The following UBP1 variants were observed in gnomAD, a reference collection of about 807,000 sequenced individuals.
The protein encoded by UBP1 is upstream-binding protein 1.
Under a neutral mutation model 76.1 loss-of-function variants are expected in UBP1, and 22 were observed. The observed-to-expected ratio is 0.29, with a 90% CI of 0.21 to 0.41. UBP1 has a LOEUF of 0.41. Among genes scored for constraint, UBP1 ranks in the 10% least tolerant of loss-of-function variants. UBP1 has a pLI of 1.00. For missense variants in UBP1, 436 were observed against 668.1 expected (o/e 0.65, Z 3.83); for synonymous variants, 224 against 237.1 (o/e 0.94, Z 0.51).
intron 15 of UBP1, 70 bp downstream of exon 15, chr3:33,392,493 G>T: frequency 1.6e-6 from 2 of 1,284,002 alleles, no homozygotes; most frequent in Non-Finnish European, 1.1e-6. Context: ...AAACACGAGA[G>T]GCACTAATTA....
At chr3:33,406,053 T>C (rs1005950522) in intron 8 of UBP1, among the ~76,000 whole-genome samples, 4 of 152,232 alleles carry the variant, frequency 2.6e-5, no homozygotes, top group Non-Finnish European at 4.4e-5. Context: ...AATAAACTTA[T>C]TGCATGGCAT....
In UBP1 at chr3:33,415,164, G is replaced by T. The variant is rs9874636; in HGVS notation, c.342+1594C>A. ...CTTGCCAAAATATTTTAAACATTAG[G>T]TATCACCTATCAGACTAATTATTTC... On this transcript the variant is annotated intron_variant, in intron 3 of 15. Coordinates refer to ENST00000283629, the MANE Select transcript of UBP1 (RefSeq NM_014517.5). Among the ~76,000 whole-genome samples the T allele has an allele frequency of 8.3e-3, 1,269 of 152,248 alleles. 20 individuals are homozygous for T. The highest frequency in any genetic ancestry group is 0.028 in the African/African-American group (1,181 of 41,542).
intron 5 of UBP1, among the ~76,000 whole-genome samples, chr3:33,410,675 T>C (rs991828260): frequency 6.6e-6 from 1 of 152,156 alleles, no homozygotes. Flanking sequence ...GAATCACTAT[T>C]TTTTTTAAAC....
chr3:33,419,468 A>C (rs1276145812), intron 2 of UBP1, among the ~76,000 whole-genome samples: 4 of 152,148 alleles, frequency 2.6e-5, no homozygotes, highest in African/African-American at 9.7e-5. Flanking sequence ...TCTCTACTAA[A>C]AATGCAAAAA....
intron 1 of UBP1, among the ~76,000 whole-genome samples, chr3:33,429,353 AT>A (rs568312502): frequency 2.4e-3 from 353 of 144,852 alleles, no homozygotes; most frequent in Admixed American, 2.0e-3. Context: ...GTGTTTCTTT[AT>A]TTTTTTTTTT....
At chr3:33,420,803 A>G (rs1439844575) in intron 2 of UBP1, among the ~76,000 whole-genome samples, 8 of 151,932 alleles carry the variant, frequency 5.3e-5, no homozygotes, top group African/African-American at 7.3e-5. Context: ...TTCTATTTTT[A>G]GTAGAGATGG....
intron 2 of UBP1, among the ~76,000 whole-genome samples, 197 bp from the exon 3 acceptor site, chr3:33,417,031 A>C (rs376458684): frequency 3.6e-4 from 55 of 152,330 alleles, no homozygotes; most frequent in African/African-American, 1.3e-3. Flanking sequence ...ATTACAGGAG[A>C]CAAGAGTTTC....
Position 33,401,925 on chromosome 3 carries a change from T to A in UBP1, c.1031+876A>T, listed in dbSNP as rs1483578648. On this transcript the variant is annotated intron_variant, in intron 9 of 15. Transcript: ENST00000283629. ...TCCTCTGGTCACTCCTCTAATTTTC[T>A]GAGTCCAAGGCTATTTTTCTACTCT... Among the ~76,000 whole-genome samples, 3 of 152,242 alleles carry A rather than the reference T, an allele frequency of 2.0e-5. No homozygotes were observed. The East Asian group carries it at 5.8e-4, about 29-fold the overall frequency.
chr3:33,416,908 A>T, intron 2 of UBP1, 74 bp from the exon 3 acceptor site: 5 of 1,279,772 alleles, frequency 3.9e-6, no homozygotes, highest in South Asian at 3.7e-5. Context: ...TTCAAAATGC[A>T]TGTTTCTCAG....
At chr3:33,429,603 A>G (rs1346429229) in intron 1 of UBP1, among the ~76,000 whole-genome samples, 1 of 152,234 alleles carries the variant, frequency 6.6e-6, no homozygotes, top group African/African-American at 2.4e-5. Flanking sequence ...TGCTGGGATT[A>G]CAGGCATGAG....
chr3:33,402,920 G>T lies in UBP1; in HGVS notation c.928-16C>A, dbSNP rs1297254500. ...ACGGAGAACACTAAGGACAGAAACA[G>T]AAATAAATTAGTGATATGCTTTTAA... On this transcript the variant is annotated splice_polypyrimidine_tract_variant and intron_variant, in intron 8 of 15. Transcript: ENST00000283629. 6 of 1,579,778 alleles carry T rather than the reference G, an allele frequency of 3.8e-6. No homozygotes were observed. Among genetic ancestry groups the T allele is most frequent in the Non-Finnish European group, 5.2e-6 (6 of 1,157,332 alleles).
chr3:33,427,504 T>G (rs2045038172), intron 1 of UBP1, among the ~76,000 whole-genome samples: 1 of 152,250 alleles, frequency 6.6e-6, no homozygotes, highest in Non-Finnish European at 1.5e-5. Context: ...GGGACTTGTC[T>G]GAACTGCTTA....
intron 2 of UBP1, among the ~76,000 whole-genome samples, chr3:33,424,260 A>G (rs2044971921): frequency 6.6e-6 from 1 of 152,234 alleles, no homozygotes; most frequent in Admixed American, 6.5e-5. Flanking sequence ...CAAACAGGGA[A>G]TTGTCACAAG....
chr3:33,400,388 G>A (rs556651302), intron 10 of UBP1, 106 bp from the exon 11 acceptor site: 77 of 799,222 alleles, frequency 9.6e-5, no homozygotes, highest in Non-Finnish European at 1.4e-4. Context: ...CACCCAAAAA[G>A]AGCATGAGTC....
In UBP1 at chr3:33,412,846, A is replaced by G; in HGVS notation, c.343-19T>C. The G allele has an allele frequency of 1.3e-6, 2 of 1,551,474 alleles. No individual in the cohort carries two copies. Among genetic ancestry groups the G allele is most frequent in the Non-Finnish European group, 1.8e-6 (2 of 1,122,718 alleles). On this transcript the variant is annotated intron_variant, in intron 3 of 15. Transcript: ENST00000283629. ...TGATGCTCTGTGGAATAAGTGCGGA[A>G]AATGAGTACTTTTAAACTGCTCCAG...
intron 2 of UBP1, among the ~76,000 whole-genome samples, chr3:33,425,056 G>A (rs1481801133): frequency 2.6e-5 from 4 of 151,636 alleles, no homozygotes; most frequent in Non-Finnish European, 4.4e-5. Context: ...AAAAAAAAAA[G>A]GTAAACTACC....
chr3:33,395,191 A>C (rs2043926682), intron 13 of UBP1, among the ~76,000 whole-genome samples: 1 of 152,208 alleles, frequency 6.6e-6, no homozygotes, highest in South Asian at 2.1e-4. Context: ...TTTGAAGTCA[A>C]AATAATACCA....
In UBP1 at chr3:33,419,577, G is replaced by A. The variant is rs935108402; in HGVS notation, c.266-2743C>T. ...TGTGAGGCGGAGGTTGCGGTGAGCC[G>A]AGATCGCGCCATTGCACTCCAGCCT... is the stretch of plus-strand genomic sequence containing the variant. On this transcript the variant is annotated intron_variant, in intron 2 of 15. Transcript: ENST00000283629. 1.0e-4 allele frequency among the ~76,000 whole-genome samples: 15 copies of A among 148,998 alleles called. No homozygotes were observed. The East Asian group carries it at 2.8e-3, about 28-fold the overall frequency.
At position 33,402,833 on chromosome 3, in the gene UBP1, G is replaced by A. The variant is rs1169287764; in HGVS notation, c.999C>T (p.Ser333=). 1 of 1,605,938 alleles carries A rather than the reference G, an allele frequency of 6.2e-7. No homozygotes were observed. Among genetic ancestry groups the A allele is most frequent in the East Asian group, 2.2e-5 (1 of 44,682 alleles). Residue 333 remains serine (S), a synonymous_variant, in exon 9 of 16, where the codon TCC becomes TCT. Coordinates refer to ENST00000283629, the MANE Select transcript of UBP1 (RefSeq NM_014517.5). ...NSPSPAPTFT[S]PQQSTCSVPD... ...GGACACTGCAAGTGCTCTGCTGTGG[G>A]GAGGTGAAAGTGGGCGCTGGGGAAG...
Sources: allele counts gnomAD v4.1 joint callset (sites outside exome capture counted in the v4.1 genomes callset), GRCh38; gene constraint gnomAD v4.1.1; transcripts MANE v1.5; gene names NCBI Gene and HGNC (gene_info 2026-07-23, HGNC 2026-07-21).